MSRA: variants seen among roughly 807,000 people sequenced by gnomAD.
MSRA encodes the protein methionine sulfoxide reductase A.
A neutral mutation model predicts 31.3 loss-of-function variants in MSRA; 54 were observed. The observed-to-expected ratio is 1.73, with a 90% CI of 1.39 to 2.17. The LOEUF is 2.17. MSRA is among the 30% of genes most tolerant of loss of function. The pLI is 0.00. For missense variants in MSRA, 507 were observed against 300.9 expected (o/e 1.69, Z -5.07); for synonymous variants, 169 against 116.5 (o/e 1.45, Z -2.90).
chr8:10,341,085 T>C (rs1052691750), intron 5 of MSRA, among the ~76,000 whole-genome samples: 2 of 152,214 alleles, frequency 1.3e-5, no homozygotes, highest in Admixed American at 6.5e-5. Context: ...TCAGACCTAC[T>C]GAATTAGGGT....
chr8:10,380,802 A>G (rs1354565717), intron 5 of MSRA, among the ~76,000 whole-genome samples: 2 of 151,428 alleles, frequency 1.3e-5, no homozygotes, highest in African/African-American at 2.4e-5. Flanking sequence ...AGATGGGTGG[A>G]TGGATGGAGG....
At chr8:10,428,106 C>A in intron 5 of MSRA, 42 bp from the exon 6 acceptor site, 1 of 1,591,636 alleles carries the variant, frequency 6.3e-7, no homozygotes, top group South Asian at 1.2e-5. Context: ...GGTGCTGTCT[C>A]TCTAGCATGG....
At chr8:10,167,595 A>G (rs1272785520) in intron 1 of MSRA, among the ~76,000 whole-genome samples, 1 of 152,290 alleles carries the variant, frequency 6.6e-6, no homozygotes, top group East Asian at 1.9e-4. Context: ...TGCTCTAGTA[A>G]TTCTAGCATG....
chr8:10,082,460 T>G (rs1446914417), intron 1 of MSRA, among the ~76,000 whole-genome samples: 1 of 152,110 alleles, frequency 6.6e-6, no homozygotes, highest in African/African-American at 2.4e-5. Context: ...CCTTTCGCCC[T>G]CCTAAGAAAA....
At chr8:10,311,669 T>G (rs1436132168) in intron 4 of MSRA, among the ~76,000 whole-genome samples, 1 of 152,190 alleles carries the variant, frequency 6.6e-6, no homozygotes, top group Non-Finnish European at 1.5e-5. Context: ...TACCAGCGTT[T>G]TGGGAGGCCA....
At chr8:10,230,924 A>C (rs999485559) in intron 2 of MSRA, among the ~76,000 whole-genome samples, 3 of 152,176 alleles carry the variant, frequency 2.0e-5, no homozygotes, top group African/African-American at 7.2e-5. Context: ...AGCTGGGATT[A>C]CCAGTATGTG....
At chr8:10,211,336 T>C (rs1359279855) in intron 2 of MSRA, among the ~76,000 whole-genome samples, 3 of 152,176 alleles carry the variant, frequency 2.0e-5, no homozygotes, top group Non-Finnish European at 4.4e-5. Context: ...TTAGTTTTTC[T>C]CCTGGTCTCC....
intron 5 of MSRA, among the ~76,000 whole-genome samples, chr8:10,344,911 T>G (rs1803674068): frequency 6.6e-6 from 1 of 152,138 alleles, no homozygotes; most frequent in Non-Finnish European, 1.5e-5. Context: ...CAAAAATAAT[T>G]GTTCTTGTGA....
intron 1 of MSRA, among the ~76,000 whole-genome samples, chr8:10,120,420 C>A (rs1277182343): frequency 6.6e-6 from 1 of 152,080 alleles, no homozygotes; most frequent in African/African-American, 2.4e-5. Flanking sequence ...GACACTGGCA[C>A]CCTAGAACAT....
intron 5 of MSRA, among the ~76,000 whole-genome samples, chr8:10,402,886 C>T (rs151314150): frequency 8.3e-4 from 126 of 152,300 alleles, no homozygotes; most frequent in African/African-American, 2.8e-3. Context: ...TGGGTAATGA[C>T]CCTGATTCTC....
chr8:10,300,236 G>A (rs1800769822), intron 3 of MSRA, among the ~76,000 whole-genome samples: 2 of 151,816 alleles, frequency 1.3e-5, no homozygotes, highest in African/African-American at 4.8e-5. Flanking sequence ...TAGTATAGGT[G>A]ATTTGTATTT....
At chr8:10,142,290 A>G (rs1248850511) in intron 1 of MSRA, among the ~76,000 whole-genome samples, 1 of 151,904 alleles carries the variant, frequency 6.6e-6, no homozygotes, top group South Asian at 2.1e-4. Context: ...TTATCTCAGA[A>G]ACTTCTCTAG....
At chr8:10,317,289 T>G (rs4840477) in intron 4 of MSRA, among the ~76,000 whole-genome samples, 149,453 of 152,314 alleles carry the variant, frequency 0.98, 73,387 homozygotes, top group East Asian at 1. Context: ...AAGTTCTCAT[T>G]TTCAGACACA....
At chr8:10,320,182 G>C (rs1421955202) in intron 5 of MSRA, 193 bp downstream of exon 5, 1 of 422,494 alleles carries the variant, frequency 2.4e-6, no homozygotes, top group Admixed American at 4.4e-5. Flanking sequence ...TTAAGAGTAG[G>C]CCTGGGCCAG....
intron 2 of MSRA, among the ~76,000 whole-genome samples, chr8:10,214,426 A>C (rs1225904205): frequency 1.3e-5 from 2 of 152,160 alleles, no homozygotes; most frequent in African/African-American, 4.8e-5. Flanking sequence ...TCTGCCAGCC[A>C]AGAAAACAAC....
intron 1 of MSRA, among the ~76,000 whole-genome samples, chr8:10,184,354 C>G (rs1332634449): frequency 6.6e-6 from 1 of 152,010 alleles, no homozygotes; most frequent in African/African-American, 2.4e-5. Context: ...CTAATACATT[C>G]TAAACCTCTT....
intron 5 of MSRA, among the ~76,000 whole-genome samples, chr8:10,322,349 G>C (rs866582036): frequency 7.1e-6 from 1 of 141,602 alleles, no homozygotes; most frequent in Admixed American, 7.0e-5. Context: ...AGAAGTAATG[G>C]AAGCTTTGTC....
intron 3 of MSRA, among the ~76,000 whole-genome samples, chr8:10,296,327 G>T (rs1800539785): frequency 1.3e-5 from 2 of 152,330 alleles, no homozygotes; most frequent in South Asian, 2.1e-4. Flanking sequence ...CGGCATCCTT[G>T]TACGGAAACA....
intron 5 of MSRA, among the ~76,000 whole-genome samples, chr8:10,404,630 C>T (rs143879989): frequency 1.3e-5 from 2 of 152,368 alleles, no homozygotes; most frequent in Middle Eastern, 3.4e-3. Context: ...AATGGGCTTG[C>T]TGGCAGGCTG....
Sources: allele counts gnomAD v4.1 joint callset (sites outside exome capture counted in the v4.1 genomes callset), GRCh38; gene constraint gnomAD v4.1.1; transcripts MANE v1.5; gene names NCBI Gene and HGNC (gene_info 2026-07-23, HGNC 2026-07-21).